DNAJB14: variants seen among roughly 807,000 people sequenced by gnomAD.
DNAJB14 encodes the protein dnaJ homolog subfamily B member 14.
In DNAJB14, 22 loss-of-function variants were observed where a neutral mutation model predicts 48.4. The ratio of observed to expected loss-of-function variants is 0.45; its 90% CI spans 0.32 to 0.65. DNAJB14 has a LOEUF of 0.65. Among genes scored for constraint, DNAJB14 ranks in the 30% least tolerant of loss-of-function variants. The pLI, the probability that DNAJB14 is intolerant of heterozygous loss-of-function variation, is 0.03. For synonymous variants in DNAJB14, 142 were observed against 158.7 expected (o/e 0.89, Z 0.79); for missense variants, 319 against 458.8 (o/e 0.70, Z 2.78).
In DNAJB14 at chr4:99,946,482, G is replaced by A. The variant is rs1454795126; in HGVS notation, c.90C>T (p.Phe30=). 1.5e-5 allele frequency: 24 copies of A among 1,613,748 alleles called. No individual in the cohort carries two copies. Among genetic ancestry groups the A allele is most frequent in the Non-Finnish European group, 1.6e-5 (19 of 1,179,766 alleles). ...GGTAGAGCTTCTCGGCCTTCTGCAG[G>A]AAGCGCTGGGCCTTCTCGCGGTTGC... is the stretch of plus-strand genomic sequence containing the variant. ...NAGNREKAQR[F]LQKAEKLYPL... Residue 30 remains phenylalanine, a synonymous_variant, in exon 1 of 8, where the codon TTC becomes TTT. Transcript: ENST00000442697.
rs537521623 is a variant in DNAJB14 at position 99,931,239 on chromosome 4, A to G, written c.134-618T>C. Among the ~76,000 whole-genome samples the G allele has an allele frequency of 7.9e-5, 12 of 152,290 alleles. No homozygotes were observed. The South Asian group carries it at 2.5e-3, about 32-fold the overall frequency. On this transcript the variant is annotated intron_variant, in intron 1 of 7. Transcript: ENST00000442697. ...AGGAATGGTAAGCAAATAGTGTGGT[A>G]AATATGAGAGTAAATGTGAACAATG...
chr4:99,907,347 T>G (rs546591198), intron 4 of DNAJB14, among the ~76,000 whole-genome samples: 2 of 152,142 alleles, frequency 1.3e-5, no homozygotes, highest in Non-Finnish European at 2.9e-5. Context: ...CCTCTTTCCT[T>G]CAAGGATGCT....
intron 4 of DNAJB14, among the ~76,000 whole-genome samples, chr4:99,907,171 G>A (rs1393643227): frequency 1.3e-5 from 2 of 152,080 alleles, no homozygotes; most frequent in Non-Finnish European, 2.9e-5. Flanking sequence ...CAAAATAACT[G>A]CAAATCAAGT....
intron 3 of DNAJB14, among the ~76,000 whole-genome samples, chr4:99,921,062 T>C (rs1726038156): frequency 6.6e-6 from 1 of 152,204 alleles, no homozygotes; most frequent in Non-Finnish European, 1.5e-5. Context: ...TGTGTGATGA[T>C]GCCATCTGTA....
In DNAJB14 at chr4:99,898,970, C is replaced by T. The variant is rs1725210016; in HGVS notation, c.*2058G>A. On this transcript the variant is annotated 3_prime_UTR_variant, in exon 8 of 8. Coordinates refer to ENST00000442697, the MANE Select transcript of DNAJB14 (RefSeq NM_001031723.4). ...TTAAATTGTCAGGCACTCAGTCTGT[C>T]ATTTCTCACTGCAGAAAATTTTATC... The T allele has an allele frequency of 6.6e-6, 1 of 151,912 alleles. No individual in the cohort carries two copies. The highest frequency in any genetic ancestry group is 1.5e-5 in the Non-Finnish European group (1 of 67,806). 9.4% of individuals were successfully genotyped at this position (151,912 alleles called of 1,614,324 possible). A position where few individuals can be genotyped will look rare whatever the true frequency, so the allele number is the denominator to read the frequency against.
chr4:99,904,393 T>G (rs1725395996), intron 6 of DNAJB14, among the ~76,000 whole-genome samples: 1 of 152,160 alleles, frequency 6.6e-6, no homozygotes, highest in Admixed American at 6.6e-5. Context: ...GTGGCTGAGA[T>G]AGTGATACCT....
chr4:99,906,567 G>T lies in DNAJB14; in HGVS notation c.682C>A (p.Gln228Lys), dbSNP rs768701753. The change falls in exon 5 of 8, where the codon CAA (glutamine) becomes AAA (lysine). Residue 228 changes from glutamine (Q) to lysine (K), a missense_variant. Gln to Lys is a moderately conservative substitution (Grantham distance 53, BLOSUM62 1). This residue lies in a region of DNAJB14 where 166 missense variants were observed against 236.3 expected (regional missense o/e 0.70). Coordinates refer to ENST00000442697, the MANE Select transcript of DNAJB14 (RefSeq NM_001031723.4). The stretch of plus-strand genomic sequence containing the variant: ...TGTCCACTATGTCGATGCTGATGTT[G>T]TTGGCTATAACCAGCTCTTCCATTT... ...FSNGRAGYSQ[Q>K]HQHRHSGHER... 6.2e-7 allele frequency: 1 copy of T among 1,611,426 alleles called. No individual in the cohort carries two copies. Among genetic ancestry groups the T allele is most frequent in the Non-Finnish European group, 8.5e-7 (1 of 1,179,558 alleles).
intron 1 of DNAJB14, among the ~76,000 whole-genome samples, chr4:99,937,744 C>G (rs1726731797): frequency 6.6e-6 from 1 of 151,460 alleles, no homozygotes; most frequent in Non-Finnish European, 1.5e-5. Context: ...ACGTCACTTC[C>G]ATAGTATTAC....
At chr4:99,928,719 CA>C (rs1726348236) in intron 2 of DNAJB14, 2 of 279,002 alleles carry the variant, frequency 7.2e-6, no homozygotes, top group Non-Finnish European at 1.4e-5. Context: ...GGTAAACTTT[CA>C]AATATATAGG....
intron 3 of DNAJB14, among the ~76,000 whole-genome samples, chr4:99,911,169 G>A (rs1320150566): frequency 6.6e-6 from 1 of 152,036 alleles, no homozygotes; most frequent in East Asian, 1.9e-4. Flanking sequence ...GAAACCTTTT[G>A]GGATTGGCTT....
intron 1 of DNAJB14, among the ~76,000 whole-genome samples, chr4:99,935,833 T>C (rs1308928114): frequency 1.3e-5 from 2 of 152,298 alleles, no homozygotes; most frequent in East Asian, 3.9e-4. Context: ...TTTAGGAGGC[T>C]GAGGCGGAGG....
intron 4 of DNAJB14, among the ~76,000 whole-genome samples, chr4:99,908,497 T>A (rs530230159): frequency 6.6e-6 from 1 of 152,190 alleles, no homozygotes; most frequent in African/African-American, 2.4e-5. Flanking sequence ...GTACTCTTCA[T>A]TTTTTTAAAT....
intron 7 of DNAJB14, among the ~76,000 whole-genome samples, chr4:99,901,853 A>T (rs1725305436): frequency 6.6e-6 from 1 of 152,144 alleles, no homozygotes; most frequent in Non-Finnish European, 1.5e-5. Context: ...CTTAAAGAAG[A>T]TGTAACAGAA....
intron 1 of DNAJB14, among the ~76,000 whole-genome samples, chr4:99,936,057 G>A (rs933382961): frequency 2.0e-5 from 3 of 151,452 alleles, no homozygotes; most frequent in Admixed American, 2.0e-4. Flanking sequence ...GACACAGACT[G>A]TATCAAAAAA....
chr4:99,923,774 A>G (rs1726148067), intron 2 of DNAJB14: 2 of 965,376 alleles, frequency 2.1e-6, no homozygotes, highest in African/African-American at 1.8e-5. Flanking sequence ...TCGGGCCTCA[A>G]ATGATCCTCC....
At chr4:99,910,301 G>A (rs892296235) in intron 3 of DNAJB14, 2 of 151,930 alleles carry the variant, frequency 1.3e-5, no homozygotes, top group African/African-American at 2.4e-5. Context: ...TCATTTATGA[G>A]TTATTTCAAA....
chr4:99,933,192 ACT>A (rs1726541967), intron 1 of DNAJB14, among the ~76,000 whole-genome samples: 1 of 151,858 alleles, frequency 6.6e-6, no homozygotes, highest in South Asian at 2.1e-4. Flanking sequence ...ATATACACAC[ACT>A]CTCAATATTA....
At chr4:99,906,151 T>C in intron 5 of DNAJB14, 2 of 1,320,904 alleles carry the variant, frequency 1.5e-6, no homozygotes, top group South Asian at 1.2e-5. Context: ...TGTAATTAAA[T>C]TGCTATAGGC....
chr4:99,943,777 G>T (rs920851000), intron 1 of DNAJB14, among the ~76,000 whole-genome samples: 1 of 151,936 alleles, frequency 6.6e-6, no homozygotes, highest in Admixed American at 6.6e-5. Context: ...ATGACTAAAT[G>T]AAATCATATT....
Sources: gnomAD v4.1 joint callset for allele counts (sites outside exome capture counted in the v4.1 genomes callset) on GRCh38, gnomAD v4.1.1 for gene constraint, gnomAD v4.1.1 regional missense constraint, MANE v1.5 for transcripts, NCBI Gene and HGNC (gene_info 2026-07-23, HGNC 2026-07-21) for gene names.